The following SATB1 variants were observed in gnomAD, a reference collection of about 807,000 sequenced individuals.
SATB1 encodes SATB homeobox 1.
Under a neutral mutation model 86.9 loss-of-function variants are expected in SATB1, and 11 were observed. The ratio of observed to expected loss-of-function variants is 0.13; its 90% CI spans 0.08 to 0.21. The LOEUF (loss-of-function observed/expected upper bound fraction) is 0.21. SATB1 is among the 10% of genes least tolerant of loss of function. The pLI is 1.00. For synonymous variants in SATB1, 357 were observed against 357.2 expected, an observed-to-expected ratio of 1.00 and a Z score of 0.01; for missense variants, 551 against 937.6, an observed-to-expected ratio of 0.59 and a Z score of 5.39.
Position 18,424,009 on chromosome 3 carries a change from T to C in SATB1, c.-407A>G, listed in dbSNP as rs1033348885. 2.6e-5 allele frequency: 4 copies of C among 151,738 alleles called. No individual in the cohort carries two copies. The highest frequency in any genetic ancestry group is 5.9e-5 in the Non-Finnish European group (4 of 68,048). 9.4% of individuals were successfully genotyped at this position (151,738 alleles called of 1,614,324 possible). A position where few individuals can be genotyped will look rare whatever the true frequency, so the allele number is the denominator to read the frequency against. ...AGCAGGGAGGAGGAAGAAGATAAAA[T>C]TGATCTGACAAGTGATTCGTTGGGG... On this transcript the variant is annotated 5_prime_UTR_variant, in exon 1 of 11. Coordinates refer to ENST00000338745, the MANE Select transcript of SATB1 (RefSeq NM_002971.6).
At chr3:18,408,934 C>T (rs1697690404) in intron 5 of SATB1, 1 of 151,722 alleles carries the variant, frequency 6.6e-6, no homozygotes, top group Non-Finnish European at 1.5e-5. Flanking sequence ...TCTCTCAGGC[C>T]ATGTCTACTC....
intron 8 of SATB1, among the ~76,000 whole-genome samples, chr3:18,385,406 A>T (rs9758869): frequency 1.3e-5 from 2 of 151,832 alleles, no homozygotes; most frequent in South Asian, 2.1e-4. Flanking sequence ...GAGGATCATG[A>T]GGTCAGGAGA....
At position 18,348,564 on chromosome 3, in the gene SATB1, T is replaced by G. The variant is rs1694178072; in HGVS notation, c.*606A>C. On this transcript the variant is annotated 3_prime_UTR_variant, in exon 11 of 11. Coordinates refer to ENST00000338745, the MANE Select transcript of SATB1 (RefSeq NM_002971.6). ...CTTTTTTTAAAAAATCATGTAACAA[T>G]GAGAATGAAAAAAAAGTACAGTGAA... 6.6e-6 allele frequency: 1 copy of G among 152,098 alleles called. No individual in the cohort carries two copies. Among genetic ancestry groups the G allele is most frequent in the African/African-American group, 2.4e-5 (1 of 41,294 alleles). 9.4% of individuals were successfully genotyped at this position (152,098 alleles called of 1,614,324 possible). A position where few individuals can be genotyped will look rare whatever the true frequency, so the allele number is the denominator to read the frequency against.
At position 18,386,680 on chromosome 3, in the gene SATB1, T is replaced by G; in HGVS notation, c.1207-69A>C. On this transcript the variant is annotated intron_variant, in intron 7 of 10. Coordinates refer to ENST00000338745, the MANE Select transcript of SATB1 (RefSeq NM_002971.6). This position sits in a 1 kb window ranked among gnomAD's most constrained non-coding sequence, Gnocchi z 4.5. ...TGCCTGGCCAGCAGTGATCCTTCCC[T>G]TTTCTTCTCCACTCTGTTTAGAAAA... is the stretch of plus-strand genomic sequence containing the variant. 1 of 1,238,946 alleles carries G rather than the reference T, an allele frequency of 8.1e-7. No individual in the cohort carries two copies. The highest frequency in any genetic ancestry group is 1.2e-5 in the South Asian group (1 of 81,642). 76.7% of individuals were successfully genotyped at this position (1,238,946 alleles called of 1,614,324 possible).
Position 18,416,908 on chromosome 3 carries a change from C to T in SATB1, c.382G>A (p.Ala128Thr), listed in dbSNP as rs1348774131. The change falls in exon 3 of 11, where the codon GCC becomes ACC. Residue 128 changes from alanine to threonine, a missense_variant. Coordinates refer to ENST00000338745, the MANE Select transcript of SATB1 (RefSeq NM_002971.6). ...LGYSHSSAAQ[A>T]KGLIQVGKWN... is the part of the protein sequence containing the mutation. ...CCACGTACACATTATTTACCTTTGG[C>T]CTGGGCAGCAGAGCTATGTGAATAA... The T allele has an allele frequency of 6.2e-7, 1 of 1,604,990 alleles. No individual in the cohort carries two copies. Among genetic ancestry groups the T allele is most frequent in the Non-Finnish European group, 8.5e-7 (1 of 1,176,358 alleles).
At chr3:18,377,633 CATT>C (rs1695828082) in intron 9 of SATB1, among the ~76,000 whole-genome samples, 1 of 151,958 alleles carries the variant, frequency 6.6e-6, no homozygotes, top group Non-Finnish European at 1.5e-5. Context: ...AAATTAAAAT[CATT>C]AATATGCAAA....
At chr3:18,362,279 G>T (rs1694939013) in intron 9 of SATB1, among the ~76,000 whole-genome samples, 1 of 151,966 alleles carries the variant, frequency 6.6e-6, no homozygotes, top group Non-Finnish European at 1.5e-5. Context: ...AACACAAACA[G>T]CCCTTTGAGT....
In SATB1 at chr3:18,394,053, T is replaced by A. The variant is rs1398021048; in HGVS notation, c.1206+409A>T. Among the ~76,000 whole-genome samples, 2 of 152,186 alleles carry A rather than the reference T, an allele frequency of 1.3e-5. No homozygotes were observed. The highest frequency in any genetic ancestry group is 2.9e-5 in the Non-Finnish European group (2 of 68,028). On this transcript the variant is annotated intron_variant, in intron 7 of 10. Coordinates refer to ENST00000338745, the MANE Select transcript of SATB1 (RefSeq NM_002971.6). The surrounding 1 kb of genome is among the most constrained non-coding windows in gnomAD (Gnocchi z 5.9). ...AGAGGGAACATTTATATACCTAAGT[T>A]TGATATGGGTAGTAACAACATAAAT...
chr3:18,361,561 C>T (rs1694906992), intron 9 of SATB1, among the ~76,000 whole-genome samples: 1 of 152,094 alleles, frequency 6.6e-6, no homozygotes, highest in Non-Finnish European at 1.5e-5. Context: ...TACCCAATCA[C>T]CTAGGCTGAA....
chr3:18,359,448 G>C (rs1241895609), intron 9 of SATB1, among the ~76,000 whole-genome samples: 1 of 151,972 alleles, frequency 6.6e-6, no homozygotes, highest in Admixed American at 6.6e-5. Flanking sequence ...TTAGCAAAAA[G>C]AGGAGCTCTT....
At chr3:18,426,535 T>A (rs1170296715), upstream of SATB1, among the ~76,000 whole-genome samples, 2 of 152,248 alleles carry the variant, frequency 1.3e-5, no homozygotes, top group Non-Finnish European at 2.9e-5. This position sits in a 1 kb window ranked among gnomAD's most constrained non-coding sequence, Gnocchi z 4.2. Context: ...ATGATCCTAT[T>A]ATTTAGACAA....
chr3:18,356,539 A>G (rs1694651428), intron 9 of SATB1, among the ~76,000 whole-genome samples: 1 of 151,884 alleles, frequency 6.6e-6, no homozygotes, highest in African/African-American at 2.4e-5. Flanking sequence ...GAAACACATG[A>G]CTGTATGCTC....
chr3:18,433,978 G>T (rs886441797), intron 2 of SATB1, among the ~76,000 whole-genome samples: 2 of 151,890 alleles, frequency 1.3e-5, no homozygotes, highest in Non-Finnish European at 2.9e-5. Context: ...CTTTTCATTT[G>T]TGTTATTTAA....
chr3:18,384,852 G>T (rs1326973328), intron 8 of SATB1, among the ~76,000 whole-genome samples: 4 of 152,100 alleles, frequency 2.6e-5, no homozygotes, highest in African/African-American at 9.7e-5. Flanking sequence ...GGGCAGGTGG[G>T]TGTGTACATA....
upstream of SATB1, among the ~76,000 whole-genome samples, chr3:18,441,249 G>A (rs1246653087): frequency 1.3e-5 from 2 of 152,080 alleles, no homozygotes; most frequent in African/African-American, 4.8e-5. Context: ...AGCTATGACA[G>A]TATATAGCAA....
At chr3:18,416,471 G>C (rs1698120016) in intron 3 of SATB1, among the ~76,000 whole-genome samples, 1 of 152,036 alleles carries the variant, frequency 6.6e-6, no homozygotes, top group African/African-American at 2.4e-5. Flanking sequence ...ATTTAGATAA[G>C]ATTCTCTATT....
intron 1 of SATB1, chr3:18,445,459 GGGGGTGCGCTT>G (rs1699369865): frequency 4.1e-6 from 4 of 985,064 alleles, no homozygotes; most frequent in East Asian, 2.3e-4. Flanking sequence ...GTGGGCGCTT[GGGGGTGCGCTT>G]GGGGTGCGCG....
In SATB1 at chr3:18,355,282, A is replaced by G. The variant is rs183999429; in HGVS notation, c.1576-3087T>C. On this transcript the variant is annotated intron_variant, in intron 9 of 10. Transcript: ENST00000338745. ...ATAAATTGGCTCATTCCCAGTTTAC[A>G]CTGGCAAAAATAAGATAATTTATTC... Among the ~76,000 whole-genome samples, 684 of 152,200 alleles carry G rather than the reference A, an allele frequency of 4.5e-3. 2 individuals carry two copies. The highest frequency in any genetic ancestry group is 7.0e-3 in the South Asian group (34 of 4,824).
intron 9 of SATB1, among the ~76,000 whole-genome samples, chr3:18,361,055 G>C (rs1259487830): frequency 1.3e-5 from 2 of 151,920 alleles, no homozygotes; most frequent in African/African-American, 4.8e-5. Flanking sequence ...GCAGGGGGCT[G>C]GGAAAACAGA....
Sources: allele counts gnomAD v4.1 joint callset (sites outside exome capture counted in the v4.1 genomes callset), GRCh38; gene constraint gnomAD v4.1.1; non-coding constraint Gnocchi (gnomAD v3.1); transcripts MANE v1.5; gene names NCBI Gene and HGNC (gene_info 2026-07-23, HGNC 2026-07-21).